Variants in RBFOX1 observed in about 807,000 individuals in gnomAD.
The protein encoded by RBFOX1 is RNA binding fox-1 homolog 1, also known as RNA binding protein fox-1 homolog 1.
A neutral mutation model predicts 57.7 loss-of-function variants in RBFOX1; 8 were observed. The observed-to-expected ratio is 0.14, with a 90% CI of 0.08 to 0.25. The LOEUF (loss-of-function observed/expected upper bound fraction) is 0.25. Among genes scored for constraint, RBFOX1 ranks in the 10% least tolerant of loss-of-function variants. The pLI, the probability that RBFOX1 is intolerant of heterozygous loss-of-function variation, is 1.00. For synonymous variants in RBFOX1, 326 were observed against 222.4 expected (o/e 1.47, Z -4.15); for missense variants, 611 against 548.5 (o/e 1.11, Z -1.14).
intron 3 of RBFOX1, among the ~76,000 whole-genome samples, chr16:7,007,530 G>T (rs181818778): frequency 1.3e-5 from 2 of 152,272 alleles, no homozygotes; most frequent in East Asian, 3.9e-4. Context: ...TAGGACATGG[G>T]TATCTTGGGG....
intron 3 of RBFOX1, among the ~76,000 whole-genome samples, chr16:6,986,195 T>TATTTATTTATTTATTTATTTATTTA (rs573474244): frequency 4.0e-5 from 6 of 149,912 alleles, no homozygotes; most frequent in African/African-American, 1.2e-4. Flanking sequence ...TTTATTTATT[T>TATTTATTTATTTATTTATTTATTTA]ATTTATTTAT....
chr16:7,144,663 C>T (rs1248170451), intron 4 of RBFOX1, among the ~76,000 whole-genome samples: 2 of 152,086 alleles, frequency 1.3e-5, no homozygotes, highest in Admixed American at 1.3e-4. Flanking sequence ...TGCCAGCATT[C>T]ATTAAATGAT....
At chr16:6,626,352 G>C (rs2098306950) in intron 2 of RBFOX1, among the ~76,000 whole-genome samples, 1 of 152,148 alleles carries the variant, frequency 6.6e-6, no homozygotes. Flanking sequence ...GGAGGAGTGG[G>C]TGTTGCAGGA....
At chr16:6,505,162 T>C (rs1295571270) in intron 2 of RBFOX1, among the ~76,000 whole-genome samples, 5 of 152,256 alleles carry the variant, frequency 3.3e-5, no homozygotes, top group East Asian at 1.9e-4. Flanking sequence ...GCCCTAGTTA[T>C]GCAGTTTCTT....
intron 3 of RBFOX1, among the ~76,000 whole-genome samples, chr16:5,769,487 C>G (rs889246920): frequency 4.1e-5 from 5 of 121,554 alleles, no homozygotes; most frequent in Admixed American, 8.0e-5. Flanking sequence ...CTAAAAAATA[C>G]AAAAAAAAAA....
chr16:5,800,492 G>A (rs1029932683), intron 3 of RBFOX1, among the ~76,000 whole-genome samples: 2 of 152,146 alleles, frequency 1.3e-5, no homozygotes, highest in African/African-American at 4.8e-5. Context: ...AGTAGACGGA[G>A]ACTCCTCTGC....
chr16:7,163,166 T>A (rs1390511457), intron 4 of RBFOX1, among the ~76,000 whole-genome samples: 1 of 152,196 alleles, frequency 6.6e-6, no homozygotes, highest in Non-Finnish European at 1.5e-5. Context: ...CATTTTAATA[T>A]TGGCCAACTG....
intron 4 of RBFOX1, among the ~76,000 whole-genome samples, chr16:7,306,036 A>G (rs919725151): frequency 1.3e-5 from 2 of 152,166 alleles, no homozygotes; most frequent in African/African-American, 4.8e-5. Flanking sequence ...TCAAATTATT[A>G]CTGAGTTGAT....
chr16:6,598,588 T>C (rs1188322327), intron 2 of RBFOX1, among the ~76,000 whole-genome samples: 1 of 152,200 alleles, frequency 6.6e-6, no homozygotes, highest in Non-Finnish European at 1.5e-5. Context: ...ATAAAAGGAC[T>C]TGTAGTTTAT....
intron 4 of RBFOX1, among the ~76,000 whole-genome samples, chr16:7,296,892 C>G (rs1255235478): frequency 6.6e-6 from 1 of 152,174 alleles, no homozygotes; most frequent in Non-Finnish European, 1.5e-5. Flanking sequence ...CCCTCTGCCC[C>G]TGAGTCCTGT....
At chr16:5,620,454 G>A (rs1351315470) in intron 3 of RBFOX1, among the ~76,000 whole-genome samples, 2 of 152,108 alleles carry the variant, frequency 1.3e-5, no homozygotes, top group Non-Finnish European at 2.9e-5. Context: ...CAGACTGATC[G>A]CTTCAACCGG....
intron 3 of RBFOX1, among the ~76,000 whole-genome samples, chr16:7,003,620 G>T (rs867369473): frequency 1.3e-5 from 2 of 152,064 alleles, no homozygotes; most frequent in Non-Finnish European, 2.9e-5. Context: ...CCTCTTCCAG[G>T]AAAGTTTTGT....
chr16:7,018,937 A>G (rs1040649275), intron 3 of RBFOX1, among the ~76,000 whole-genome samples: 4 of 152,170 alleles, frequency 2.6e-5, no homozygotes, highest in Non-Finnish European at 5.9e-5. Flanking sequence ...TGGGCAACAC[A>G]GTGAGACCTC....
chr16:7,697,596 G>A (rs1202378958), intron 14 of RBFOX1, among the ~76,000 whole-genome samples: 2 of 152,062 alleles, frequency 1.3e-5, no homozygotes. Context: ...AGTTCAACGA[G>A]GTGTTATCCC....
At chr16:6,625,028 G>A (rs954475626) in intron 2 of RBFOX1, among the ~76,000 whole-genome samples, 1 of 151,914 alleles carries the variant, frequency 6.6e-6, no homozygotes, top group African/African-American at 2.4e-5. Flanking sequence ...AGCTGGGTGT[G>A]GTGTCGCAGG....
chr16:5,995,101 C>T (rs956134936), intron 4 of RBFOX1, among the ~76,000 whole-genome samples: 6 of 152,182 alleles, frequency 3.9e-5, no homozygotes, highest in African/African-American at 1.4e-4. Context: ...TCTTGAAGTA[C>T]ATTTCTGTAC....
At position 6,097,380 on chromosome 16, in the gene RBFOX1, G is replaced by A. The variant is rs1352454723; in HGVS notation, c.-127+77388G>A. 1.3e-5 allele frequency among the ~76,000 whole-genome samples: 2 copies of A among 152,130 alleles called. No individual in the cohort carries two copies. Among genetic ancestry groups the A allele is most frequent in the African/African-American group, 4.8e-5 (2 of 41,422 alleles). On this transcript the variant is annotated intron_variant, in intron 1 of 15. Coordinates refer to ENST00000550418, the MANE Select transcript of RBFOX1 (RefSeq NM_018723.4). The surrounding 1 kb of genome is among the most constrained non-coding windows in gnomAD (Gnocchi z 5.0). ...TTTTGCAAGCCGCCACTCTAGAGAA[G>A]TACCACTCAAACCATGGTCTGCAGA...
At chr16:6,690,010 A>G (rs2059981643) in intron 3 of RBFOX1, among the ~76,000 whole-genome samples, 1 of 152,216 alleles carries the variant, frequency 6.6e-6, no homozygotes, top group African/African-American at 2.4e-5. Context: ...ATTGATGATA[A>G]ACAAGTTAAT....
At chr16:6,977,437 A>C (rs1410243660) in intron 3 of RBFOX1, among the ~76,000 whole-genome samples, 1 of 152,000 alleles carries the variant, frequency 6.6e-6, no homozygotes, top group Non-Finnish European at 1.5e-5. Context: ...TGTTCCCTTA[A>C]CCATACACAT....
Sources: gnomAD v4.1 joint callset for allele counts (sites outside exome capture counted in the v4.1 genomes callset) on GRCh38, gnomAD v4.1.1 for gene constraint, Gnocchi (gnomAD v3.1) non-coding constraint, MANE v1.5 for transcripts, NCBI Gene and HGNC (gene_info 2026-07-23, HGNC 2026-07-21) for gene names.